DPP4: variants seen among roughly 807,000 people sequenced by gnomAD.
DPP4 encodes ADCP-2.
Under a neutral mutation model 122.4 loss-of-function variants are expected in DPP4, and 93 were observed. That is an observed-to-expected ratio of 0.76 (90% CI 0.64 to 0.90). The LOEUF is 0.90. DPP4 is among the 40% of genes least tolerant of loss of function. The pLI, the probability that DPP4 is intolerant of heterozygous loss-of-function variation, is 0.00. For synonymous variants in DPP4, 321 were observed against 302.9 expected (o/e 1.06, Z -0.62); for missense variants, 914 against 907.3 (o/e 1.01, Z -0.09).
At chr2:162,038,927 A>G in intron 7 of DPP4, 22 bp downstream of exon 7, 1 of 1,611,022 alleles carries the variant, frequency 6.2e-7, no homozygotes, top group East Asian at 2.2e-5. Context: ...TATTTTTCTG[A>G]CAACTGGAGA....
At chr2:162,063,898 T>C (rs1446650871) in intron 2 of DPP4, among the ~76,000 whole-genome samples, 2 of 151,980 alleles carry the variant, frequency 1.3e-5, no homozygotes, top group Admixed American at 1.3e-4. Context: ...CAAATAGAGA[T>C]GGAAAAAATG....
At chr2:162,050,681 T>A (rs1684353138) in intron 2 of DPP4, among the ~76,000 whole-genome samples, 1 of 152,184 alleles carries the variant, frequency 6.6e-6, no homozygotes, top group Admixed American at 6.5e-5. Flanking sequence ...ATGTTCCTTG[T>A]TTTTAGCCTT....
chr2:162,062,137 C>A (rs1020364355), intron 2 of DPP4, among the ~76,000 whole-genome samples: 10 of 150,868 alleles, frequency 6.6e-5, no homozygotes, highest in African/African-American at 2.4e-4. Flanking sequence ...AAAAAATTAG[C>A]TGGGCGTGGT....
intron 22 of DPP4, among the ~76,000 whole-genome samples, chr2:162,007,768 A>G (rs1209847515): frequency 6.6e-6 from 1 of 152,178 alleles, no homozygotes; most frequent in East Asian, 1.9e-4. Context: ...CTTAACAGAA[A>G]GATATAAATG....
Position 162,020,575 on chromosome 2 carries a change from A to G in DPP4, c.1176+6T>C, listed in dbSNP as rs1338767494. 2.5e-6 allele frequency: 4 copies of G among 1,581,672 alleles called. No homozygotes were observed. Among genetic ancestry groups the G allele is most frequent in the Non-Finnish European group, 2.6e-6 (3 of 1,165,368 alleles). The stretch of plus-strand genomic sequence containing the variant: ...AACATGAAATAAAATATGTAAGAAT[A>G]CTCACTTTTTTATCTATTTGGAAAT... On this transcript the variant is annotated splice_donor_region_variant and intron_variant, in intron 13 of 25. Coordinates refer to ENST00000360534, the MANE Select transcript of DPP4 (RefSeq NM_001935.4).
At chr2:162,036,268 C>T (rs113910170) in intron 8 of DPP4, among the ~76,000 whole-genome samples, 51 of 152,214 alleles carry the variant, frequency 3.4e-4, no homozygotes, top group African/African-American at 1.1e-3. Flanking sequence ...TTTTCAGATG[C>T]CTGATACCTC....
intron 2 of DPP4, among the ~76,000 whole-genome samples, chr2:162,066,218 A>G (rs62189690): frequency 0.27 from 41,326 of 151,478 alleles, 6,434 homozygotes; most frequent in Non-Finnish European, 0.37. Context: ...ATGCCTGCAC[A>G]TTGTCTTACC....
At chr2:162,073,559 G>T in intron 1 of DPP4, 73 bp from the exon 2 acceptor site, 1 of 1,460,068 alleles carries the variant, frequency 6.8e-7, no homozygotes, top group Non-Finnish European at 9.6e-7. Context: ...GGTCGGGGCT[G>T]CTCCAGAGGC....
At position 162,038,406 on chromosome 2, in the gene DPP4, T is replaced by C; in HGVS notation, c.509A>G (p.Asn170Ser). The C allele has an allele frequency of 1.2e-6, 2 of 1,606,596 alleles. No individual in the cohort carries two copies. The highest frequency in any genetic ancestry group is 1.7e-6 in the Non-Finnish European group (2 of 1,176,632). ...VGHKLAYVWN[N>S]DIYVKIEPNL... ...TGGTTCAATTTTAACATAAATGTCA[T>C]TGTTCCAAACATATGCCTAGAAGGA... is the stretch of plus-strand genomic sequence containing the variant. Residue 170 changes from asparagine (N) to serine (S), a missense_variant, in exon 8 of 26, where the codon AAT (asparagine) becomes AGT (serine). Asn to Ser is a conservative substitution (Grantham distance 46). Transcript: ENST00000360534.
At chr2:161,999,511 G>A (rs985484464) in intron 23 of DPP4, among the ~76,000 whole-genome samples, 2 of 152,152 alleles carry the variant, frequency 1.3e-5, no homozygotes, top group Non-Finnish European at 2.9e-5. Flanking sequence ...AACTTCCGGA[G>A]AGCCCCGCTG....
chr2:162,020,384 C>T, intron 13 of DPP4, 88 bp from the exon 14 acceptor site: 1 of 1,182,818 alleles, frequency 8.5e-7, no homozygotes, highest in African/African-American at 1.6e-5. Context: ...TCATTTATAT[C>T]AGGAATTCAA....
At chr2:162,073,554 G>C in intron 1 of DPP4, 68 bp from the exon 2 acceptor site, 2 of 1,516,592 alleles carry the variant, frequency 1.3e-6, no homozygotes, top group South Asian at 1.1e-5. Context: ...AGGAGGGTCG[G>C]GGCTGCTCCA....
At chr2:162,060,117 C>T (rs984528210) in intron 2 of DPP4, among the ~76,000 whole-genome samples, 1 of 152,188 alleles carries the variant, frequency 6.6e-6, no homozygotes, top group African/African-American at 2.4e-5. Context: ...CTCTTCTAAA[C>T]CTCTCTAAAT....
At chr2:162,022,845 A>G (rs2106105004) in intron 11 of DPP4, 46 bp from the exon 12 acceptor site, 3 of 1,592,242 alleles carry the variant, frequency 1.9e-6, no homozygotes, top group Non-Finnish European at 2.6e-6. Flanking sequence ...GAGAAGTCAG[A>G]TGAAATCTAT....
At chr2:162,027,614 T>C (rs185239612) in intron 10 of DPP4, among the ~76,000 whole-genome samples, 2 of 152,310 alleles carry the variant, frequency 1.3e-5, no homozygotes, top group Non-Finnish European at 1.5e-5. Context: ...AATATTCTTC[T>C]TTTTAAAAGT....
rs572912810 is a variant in DPP4 at position 162,022,031 on chromosome 2, T to A, written c.1068+724A>T. On this transcript the variant is annotated intron_variant, in intron 12 of 25. Coordinates refer to ENST00000360534, the MANE Select transcript of DPP4 (RefSeq NM_001935.4). ...TTTGGGGGTCACTTTATTTCCCTCT[T>A]AAAGGGGGCTTAATAGAAGTGATCA... Among the ~76,000 whole-genome samples, 15 of 152,270 alleles carry A rather than the reference T, an allele frequency of 9.9e-5. No homozygotes were observed. The South Asian group carries it at 3.1e-3, about 32-fold the overall frequency.
intron 25 of DPP4, 143 bp downstream of exon 25, chr2:161,994,818 A>C: frequency 3.0e-6 from 2 of 677,160 alleles, no homozygotes; most frequent in South Asian, 3.7e-5. Context: ...GAAGGATACC[A>C]CTCTTCTGAC....
chr2:162,026,020 T>C (rs1333622455), intron 10 of DPP4, among the ~76,000 whole-genome samples: 1 of 152,110 alleles, frequency 6.6e-6, no homozygotes, highest in African/African-American at 2.4e-5. Flanking sequence ...TATATGTCCG[T>C]GGAATGCAGC....
chr2:162,028,388 C>T (rs1683418422), intron 10 of DPP4, among the ~76,000 whole-genome samples: 1 of 152,124 alleles, frequency 6.6e-6, no homozygotes, highest in South Asian at 2.1e-4. Context: ...GCCAATGGCT[C>T]AATTGTACTT....
Sources: allele counts gnomAD v4.1 joint callset (sites outside exome capture counted in the v4.1 genomes callset), GRCh38; gene constraint gnomAD v4.1.1; transcripts MANE v1.5; gene names NCBI Gene and HGNC (gene_info 2026-07-23, HGNC 2026-07-21).